The following SHROOM3 variants were observed in gnomAD, a reference collection of about 807,000 sequenced individuals.
The protein encoded by SHROOM3 is protein Shroom3.
In SHROOM3, 47 loss-of-function variants were observed where a neutral mutation model predicts 138.6. That is an observed-to-expected ratio of 0.34 (90% CI 0.27 to 0.43). SHROOM3 has a LOEUF of 0.43. Ranked by LOEUF, SHROOM3 falls within the 20% of genes least tolerant of loss-of-function variation. The pLI is 1.00. For synonymous variants in SHROOM3, 1,062 were observed against 1,063.3 expected (o/e 1.00, Z 0.02); for missense variants, 2,491 against 2,596.5 (o/e 0.96, Z 0.88).
chr4:76,645,722 A>T (rs1735799020), intron 2 of SHROOM3: 1 of 152,216 alleles, frequency 6.6e-6, no homozygotes, highest in African/African-American at 2.4e-5. Flanking sequence ...AAGACATATA[A>T]GAAAAACCCC....
At chr4:76,469,836 C>T (rs1277376198) in intron 1 of SHROOM3, among the ~76,000 whole-genome samples, 1 of 152,070 alleles carries the variant, frequency 6.6e-6, no homozygotes, top group African/African-American at 2.4e-5. Context: ...AAGAATAGAG[C>T]TGGGTTTGAT....
chr4:76,616,809 A>T (rs1227491983), intron 2 of SHROOM3, among the ~76,000 whole-genome samples: 1 of 152,210 alleles, frequency 6.6e-6, no homozygotes, highest in Non-Finnish European at 1.5e-5. Context: ...TCCCCAAAAA[A>T]TGGCTCAGAT....
At chr4:76,449,512 T>C (rs1730880833) in intron 1 of SHROOM3, among the ~76,000 whole-genome samples, 1 of 152,224 alleles carries the variant, frequency 6.6e-6, no homozygotes, top group African/African-American at 2.4e-5. Context: ...AACTTGTACC[T>C]CTGCCAAATT....
At chr4:76,674,235 C>CATCA (rs1302456928) in intron 2 of SHROOM3, among the ~76,000 whole-genome samples, 2 of 152,126 alleles carry the variant, frequency 1.3e-5, no homozygotes, top group African/African-American at 2.4e-5. Flanking sequence ...ATAATGTTTT[C>CATCA]ATCAATTCAT....
chr4:76,445,655 T>C (rs1730790382), intron 1 of SHROOM3, among the ~76,000 whole-genome samples: 1 of 152,130 alleles, frequency 6.6e-6, no homozygotes, highest in Admixed American at 6.5e-5. Context: ...TGAGGTCAGA[T>C]CACATAAGGC....
chr4:76,442,404 G>GT lies in SHROOM3; in HGVS notation c.168+6206dup, dbSNP rs59712445. On this transcript the variant is annotated intron_variant, in intron 1 of 10. Transcript: ENST00000296043. Reference sequence around the variant, plus strand: ...GCTTTCTCTGATTGTGCCCTTTATAGTTTTTTTTTTTTTTTTTTTTTTGGA... The same window carrying GT: ...GCTTTCTCTGATTGTGCCCTTTATAGTTTTTTTTTTTTTTTTTTTTTTTGGA... 8.9e-3 allele frequency among the ~76,000 whole-genome samples: 1,003 copies of GT among 112,332 alleles called. 19 individuals are homozygous for GT. The highest frequency in any genetic ancestry group is 0.066 in the South Asian group (207 of 3,128). The allele number at this position is 112,332 out of a possible 152,430, so 73.7% of individuals were successfully genotyped here.
Position 76,739,607 on chromosome 4 carries a change from C to A in SHROOM3, c.1434C>A (p.Ala478=). The A allele has an allele frequency of 1.2e-6, 2 of 1,614,170 alleles. No homozygotes were observed. The highest frequency in any genetic ancestry group is 1.7e-6 in the Non-Finnish European group (2 of 1,180,032). The change falls in exon 5 of 11, where the codon GCC becomes GCA. Residue 478 remains alanine, a synonymous_variant. Transcript: ENST00000296043. ...TACCTTCCCTGGAGCCACACTTTGC[C>A]CAGGTGCCTCAGCCTTCTGTGAGTA... ...YPVPSLEPHF[A]QVPQPSVSSN...
intron 10 of SHROOM3, among the ~76,000 whole-genome samples, chr4:76,775,603 A>T (rs1272525426): frequency 6.6e-6 from 1 of 151,830 alleles, no homozygotes; most frequent in Non-Finnish European, 1.5e-5. Flanking sequence ...ACTCATATTT[A>T]TAGCAGTACA....
In SHROOM3 at chr4:76,739,130, A is replaced by G; in HGVS notation, c.957A>G (p.Ala319=). 6.2e-7 allele frequency: 1 copy of G among 1,614,202 alleles called. No individual in the cohort carries two copies. The highest frequency in any genetic ancestry group is 8.5e-7 in the Non-Finnish European group (1 of 1,180,024). Residue 319 remains alanine (A), a synonymous_variant, in exon 5 of 11, where the codon GCA becomes GCG. Transcript: ENST00000296043. ...ATGACACCCGGAGGGGAGTCTCAGC[A>G]GAGTATGAGGTGAACTCTTCAGCCC... The part of the protein sequence containing the change: ...TVYDTRRGVS[A]EYEVNSSALL...
At chr4:76,503,665 G>A (rs986959565) in intron 1 of SHROOM3, among the ~76,000 whole-genome samples, 3 of 152,142 alleles carry the variant, frequency 2.0e-5, no homozygotes, top group Non-Finnish European at 4.4e-5. Context: ...CCGACTTGAG[G>A]TGATCCACCT....
chr4:76,504,096 T>C (rs1732154674), intron 1 of SHROOM3, among the ~76,000 whole-genome samples: 1 of 152,190 alleles, frequency 6.6e-6, no homozygotes, highest in African/African-American at 2.4e-5. Flanking sequence ...GAGATTTTGA[T>C]GTTCTGCAAT....
chr4:76,449,489 C>T (rs898277888), intron 1 of SHROOM3, among the ~76,000 whole-genome samples: 5 of 152,170 alleles, frequency 3.3e-5, no homozygotes, highest in African/African-American at 1.2e-4. Context: ...CACTAACATG[C>T]GTTTCCTTGA....
chr4:76,757,398 G>A (rs898365655), intron 8 of SHROOM3, among the ~76,000 whole-genome samples: 3 of 152,116 alleles, frequency 2.0e-5, no homozygotes, highest in Non-Finnish European at 2.9e-5. Context: ...ATTACACAGT[G>A]CCCCCAGCTC....
intron 2 of SHROOM3, among the ~76,000 whole-genome samples, chr4:76,618,386 T>C (rs781040468): frequency 2.0e-5 from 3 of 152,258 alleles, no homozygotes; most frequent in Admixed American, 6.5e-5. Context: ...TGACTATTCA[T>C]TCCTCAAATA....
At chr4:76,770,566 C>G in intron 9 of SHROOM3, 60 bp from the exon 10 acceptor site, 3 of 1,603,560 alleles carry the variant, frequency 1.9e-6, no homozygotes, top group Non-Finnish European at 2.5e-6. Context: ...GGGGAGGTGA[C>G]TTCTGCTTCC....
At chr4:76,736,283 T>C (rs1370410783) in intron 4 of SHROOM3, among the ~76,000 whole-genome samples, 1 of 152,112 alleles carries the variant, frequency 6.6e-6, no homozygotes, top group African/African-American at 2.4e-5. Flanking sequence ...CCGGGTCTGA[T>C]TTCCCTGATC....
At chr4:76,642,355 C>A (rs1735695056) in intron 2 of SHROOM3, among the ~76,000 whole-genome samples, 1 of 152,166 alleles carries the variant, frequency 6.6e-6, no homozygotes, top group Non-Finnish European at 1.5e-5. Context: ...GATTGGGTCT[C>A]AAATTAGAAC....
At chr4:76,477,575 T>G (rs1301697461) in intron 1 of SHROOM3, among the ~76,000 whole-genome samples, 2 of 152,238 alleles carry the variant, frequency 1.3e-5, no homozygotes, top group Admixed American at 6.5e-5. Context: ...AGGTGGTATA[T>G]GTGTGTGCAT....
intron 3 of SHROOM3, among the ~76,000 whole-genome samples, chr4:76,722,541 C>T (rs1448119358): frequency 1.3e-5 from 2 of 151,974 alleles, no homozygotes; most frequent in Admixed American, 1.3e-4. Flanking sequence ...GATCAGAAAA[C>T]ATAACTATTG....
Sources: allele counts gnomAD v4.1 joint callset (sites outside exome capture counted in the v4.1 genomes callset), GRCh38; gene constraint gnomAD v4.1.1; transcripts MANE v1.5; gene names NCBI Gene and HGNC (gene_info 2026-07-23, HGNC 2026-07-21).